Variants in SCAF8 observed in about 807,000 individuals in gnomAD.
SCAF8 encodes SR-related CTD associated factor 8, also known as SR-related and CTD-associated factor 8.
A neutral mutation model predicts 140.5 loss-of-function variants in SCAF8; 23 were observed. The observed-to-expected ratio is 0.16, with a 90% CI of 0.12 to 0.23. The LOEUF (loss-of-function observed/expected upper bound fraction) is 0.23. Among genes scored for constraint, SCAF8 ranks in the 10% least tolerant of loss-of-function variants. The pLI is 1.00. For synonymous variants in SCAF8, 575 were observed against 528.9 expected, an observed-to-expected ratio of 1.09 and a Z score of -1.20; for missense variants, 1,397 against 1,555.7, an observed-to-expected ratio of 0.90 and a Z score of 1.72.
intron 5 of SCAF8, 151 bp downstream of exon 5, chr6:154,793,127 ATAT>A: frequency 2.0e-6 from 1 of 496,198 alleles, no homozygotes; most frequent in Admixed American, 4.2e-5. Flanking sequence ...ATAAAATTAG[ATAT>A]TATGTTTGTG....
chr6:154,810,609 A>T (rs1488614177), intron 12 of SCAF8, among the ~76,000 whole-genome samples: 1 of 152,240 alleles, frequency 6.6e-6, no homozygotes, highest in Non-Finnish European at 1.5e-5. Context: ...TAAAGTAATT[A>T]TAATGTTAAT....
rs58013583 is a variant in SCAF8 at position 154,831,703 on chromosome 6, T to TAAAAA, written c.2360-201_2360-197dup. Among the ~76,000 whole-genome samples, 52 of 48,092 alleles carry TAAAAA rather than the reference T, an allele frequency of 1.1e-3. 4 individuals are homozygous for TAAAAA. Among genetic ancestry groups the TAAAAA allele is most frequent in the African/African-American group, 2.4e-3 (34 of 14,216 alleles). The allele number at this position is 48,092 out of a possible 152,430, so 31.6% of individuals were successfully genotyped here. A position where few individuals can be genotyped will look rare whatever the true frequency, so the allele number is the denominator to read the frequency against. On this transcript the variant is annotated intron_variant, in intron 19 of 19. Transcript: ENST00000367178. ...CCTTTTAAACCTCCACTCCTGTTCT[T>TAAAAA]AAAAAAAAAAAAAAAAAAAAAAAAA...
chr6:154,833,700 T>G lies in SCAF8; in HGVS notation c.*305T>G, dbSNP rs1778819987. ...AGAGACTTCCTATGGAAGAAAGAAT[T>G]TTTTAGATACTATCATTAGGTTGGA... On this transcript the variant is annotated 3_prime_UTR_variant, in exon 20 of 20. Coordinates refer to ENST00000367178, the MANE Select transcript of SCAF8 (RefSeq NM_014892.5). 4.1e-6 allele frequency: 1 copy of G among 243,276 alleles called. No homozygotes were observed. The highest frequency in any genetic ancestry group is 5.1e-5 in the Admixed American group (1 of 19,782). The allele number at this position is 243,276 out of a possible 1,614,324, so 15.1% of individuals were successfully genotyped here.
At position 154,801,958 on chromosome 6, in the gene SCAF8, T is replaced by G; in HGVS notation, c.607-13T>G. On this transcript the variant is annotated splice_polypyrimidine_tract_variant and intron_variant, in intron 6 of 19. Coordinates refer to ENST00000367178, the MANE Select transcript of SCAF8 (RefSeq NM_014892.5). ...CAACACCTGTTTTGTAATATATATT[T>G]TTTTCTCTCCAGCTTCAACAATTAA... 6.4e-7 allele frequency: 1 copy of G among 1,550,936 alleles called. No homozygotes were observed.
intron 4 of SCAF8, 72 bp downstream of exon 4, chr6:154,788,094 C>T (rs1339898678): frequency 9.3e-6 from 12 of 1,287,406 alleles, no homozygotes; most frequent in Non-Finnish European, 1.1e-5. Flanking sequence ...AATTAGTCTT[C>T]AGATTATCTT....
At position 154,801,063 on chromosome 6, in the gene SCAF8, A is replaced by G. The variant is rs546537996; in HGVS notation, c.607-908A>G. On this transcript the variant is annotated intron_variant, in intron 6 of 19. Transcript: ENST00000367178. ...GGGTGACCAAAAGAATAACAGTGCC[A>G]TGGGAAAAATGGAGATGTCAAAAGG... Among the ~76,000 whole-genome samples, 98 of 151,630 alleles carry G rather than the reference A, an allele frequency of 6.5e-4. 6 individuals carry two copies. The South Asian group carries it at 0.017, about 27-fold the overall frequency.
intron 5 of SCAF8, among the ~76,000 whole-genome samples, chr6:154,793,901 T>TTGTGTGTGTG (rs546452318): frequency 4.0e-5 from 3 of 74,598 alleles, no homozygotes; most frequent in African/African-American, 1.9e-4. Context: ...TGTATGTATT[T>TTGTGTGTGTG]TGTGTGTGTG....
Position 154,756,737 on chromosome 6 carries a change from G to A in SCAF8, c.31-17252G>A, listed in dbSNP as rs78599925. 3.7e-3 allele frequency among the ~76,000 whole-genome samples: 558 copies of A among 152,216 alleles called. 4 individuals carry two copies. The highest frequency in any genetic ancestry group is 0.013 in the African/African-American group (530 of 41,532). The stretch of plus-strand genomic sequence containing the variant: ...GAAACATTCTGTTGCATTGAAATAC[G>A]TTCTTTAAGCTGGGCGCGGTGGCTC... On this transcript the variant is annotated intron_variant, in intron 1 of 19. Transcript: ENST00000367178.
intron 12 of SCAF8, 81 bp from the exon 13 acceptor site, chr6:154,815,635 T>G (rs1778228038): frequency 1.5e-6 from 1 of 653,426 alleles, no homozygotes; most frequent in Non-Finnish European, 2.7e-6. Flanking sequence ...TTATGTGTAT[T>G]ACTGCTTTTT....
chr6:154,778,801 G>A (rs1379710513), intron 3 of SCAF8, among the ~76,000 whole-genome samples: 2 of 151,378 alleles, frequency 1.3e-5, no homozygotes, highest in African/African-American at 4.9e-5. Context: ...GTGTGTGTGT[G>A]TGTGTGTGTA....
chr6:154,752,807 C>T (rs925615904), intron 1 of SCAF8, among the ~76,000 whole-genome samples: 8 of 152,108 alleles, frequency 5.3e-5, no homozygotes, highest in Non-Finnish European at 1.0e-4. Context: ...CAGCATTCTC[C>T]GCCTCCTAGG....
At position 154,799,672 on chromosome 6, in the gene SCAF8, T is replaced by C. The variant is rs1189329925; in HGVS notation, c.607-2299T>C. Among the ~76,000 whole-genome samples, 4 of 151,458 alleles carry C rather than the reference T, an allele frequency of 2.6e-5. No individual in the cohort carries two copies. The East Asian group carries it at 7.7e-4, about 29-fold the overall frequency. On this transcript the variant is annotated intron_variant, in intron 6 of 19. Coordinates refer to ENST00000367178, the MANE Select transcript of SCAF8 (RefSeq NM_014892.5). ...TATAATCCTGCCCCAAGATCTCTGC[T>C]TTTGAAGTTTTTTATACTGAAAACC...
chr6:154,734,466 A>G (rs1343670800), intron 1 of SCAF8, among the ~76,000 whole-genome samples: 1 of 152,142 alleles, frequency 6.6e-6, no homozygotes, highest in Non-Finnish European at 1.5e-5. Context: ...CCAGCTAGGG[A>G]CTTGAGCTAA....
chr6:154,778,322 TTTATGTTCCAC>T (rs1776973743), intron 3 of SCAF8, among the ~76,000 whole-genome samples: 1 of 152,238 alleles, frequency 6.6e-6, no homozygotes, highest in African/African-American at 2.4e-5. Flanking sequence ...TTGCAGTGTG[TTTATGTTCCAC>T]TTGGGAGAAG....
chr6:154,745,605 T>C (rs2114798756), intron 1 of SCAF8, among the ~76,000 whole-genome samples: 1 of 152,242 alleles, frequency 6.6e-6, no homozygotes, highest in East Asian at 1.9e-4. Flanking sequence ...TTAATTTTTA[T>C]CTGCAGGGTT....
Position 154,832,779 on chromosome 6 carries a change from T to C in SCAF8, c.3200T>C (p.Ile1067Thr), listed in dbSNP as rs748239105. 2.6e-5 allele frequency: 42 copies of C among 1,613,654 alleles called. No individual in the cohort carries two copies. Among genetic ancestry groups the C allele is most frequent in the East Asian group, 1.1e-4 (5 of 44,852 alleles). ...CATTTTGGAAGACCTCCTGTAGATA[T>C]AAGAGAGAATCTTGTGAGGCCAGGT... The part of the protein sequence containing the change: ...RDHFGRPPVD[I>T]RENLVRPGID... The change falls in exon 20 of 20, where the codon ATA becomes ACA. Residue 1067 changes from isoleucine (I) to threonine (T), a missense_variant. Transcript: ENST00000367178.
At chr6:154,747,408 C>A (rs1292027393) in intron 1 of SCAF8, among the ~76,000 whole-genome samples, 1 of 152,022 alleles carries the variant, frequency 6.6e-6, no homozygotes, top group Non-Finnish European at 1.5e-5. Context: ...TCTATAGTCC[C>A]AGCTACTTGG....
chr6:154,757,127 G>T (rs999856679), intron 1 of SCAF8, among the ~76,000 whole-genome samples: 1 of 152,160 alleles, frequency 6.6e-6, no homozygotes, highest in Non-Finnish European at 1.5e-5. Flanking sequence ...CTCCTGAGCA[G>T]CTAGGACTAC....
chr6:154,830,955 A>C lies in SCAF8; in HGVS notation c.2174A>C (p.Glu725Ala). ...CAGCCGTCATTATCCATGACACCGG[A>C]AACTGTGAAAGATGTTGGATTTGGT... ...LVQPSLSMTPETVKDVGFGSL... is the reference protein window; with the variant it reads ...LVQPSLSMTPATVKDVGFGSL... The change falls in exon 19 of 20, where the codon GAA becomes GCA. Residue 725 changes from glutamate (E) to alanine (A), a missense_variant. Physicochemically the swap from Glu to Ala is moderately radical, Grantham distance 107 (BLOSUM62 -1). This residue lies in a region of SCAF8 where 930 missense variants were observed against 874.6 expected (regional missense o/e 1.06). Transcript: ENST00000367178. 6.2e-7 allele frequency: 1 copy of C among 1,614,112 alleles called. No individual in the cohort carries two copies. Among genetic ancestry groups the C allele is most frequent in the South Asian group, 1.1e-5 (1 of 91,080 alleles).
Sources: gnomAD v4.1 joint callset for allele counts (sites outside exome capture counted in the v4.1 genomes callset) on GRCh38, gnomAD v4.1.1 for gene constraint, gnomAD v4.1.1 regional missense constraint, MANE v1.5 for transcripts, NCBI Gene and HGNC (gene_info 2026-07-23, HGNC 2026-07-21) for gene names.